PTH2R: variants seen among roughly 807,000 people sequenced by gnomAD.
The protein encoded by PTH2R is parathyroid hormone 2 receptor.
Under a neutral mutation model 60.3 loss-of-function variants are expected in PTH2R, and 59 were observed. The observed-to-expected ratio is 0.98, with a 90% CI of 0.79 to 1.22. The LOEUF (loss-of-function observed/expected upper bound fraction) is 1.22. Ranked by LOEUF, PTH2R falls within the 50% of genes most tolerant of loss-of-function variation. PTH2R has a pLI of 0.00. For synonymous variants in PTH2R, 256 were observed against 243.8 expected (o/e 1.05, Z -0.47); for missense variants, 749 against 682.6 (o/e 1.10, Z -1.08).
chr2:208,388,585 A>G (rs1225478469), intron 1 of PTH2R, among the ~76,000 whole-genome samples: 1 of 152,202 alleles, frequency 6.6e-6, no homozygotes, highest in Non-Finnish European at 1.5e-5. Flanking sequence ...GTAACCCCTG[A>G]AGCCTTCTAT....
intron 1 of PTH2R, among the ~76,000 whole-genome samples, chr2:208,376,739 C>T (rs1172914564): frequency 6.6e-6 from 1 of 152,024 alleles, no homozygotes; most frequent in East Asian, 1.9e-4. Context: ...TGAGCACATG[C>T]CTTGGACATA....
intron 1 of PTH2R, among the ~76,000 whole-genome samples, chr2:208,377,891 G>C (rs1019590188): frequency 1.3e-5 from 2 of 151,578 alleles, no homozygotes; most frequent in Admixed American, 6.6e-5. Flanking sequence ...TTCCCAGACT[G>C]GGCAGCCAGG....
intron 1 of PTH2R, among the ~76,000 whole-genome samples, chr2:208,383,655 C>T (rs1375263576): frequency 1.3e-5 from 2 of 152,186 alleles, no homozygotes; most frequent in Admixed American, 6.5e-5. Context: ...AGAAAATAAT[C>T]TAGAAATACA....
intron 1 of PTH2R, among the ~76,000 whole-genome samples, chr2:208,377,390 A>G (rs1374765551): frequency 1.3e-5 from 2 of 151,690 alleles, no homozygotes; most frequent in Non-Finnish European, 2.9e-5. Flanking sequence ...TGTTGGGTAC[A>G]CCTCCCAGAC....
intron 9 of PTH2R, among the ~76,000 whole-genome samples, chr2:208,461,785 A>T (rs1223775324): frequency 6.6e-6 from 1 of 152,202 alleles, no homozygotes; most frequent in Non-Finnish European, 1.5e-5. Flanking sequence ...TAAGTCACTC[A>T]CATCATCACC....
At chr2:208,410,374 C>G (rs1701515503) in intron 1 of PTH2R, among the ~76,000 whole-genome samples, 1 of 152,184 alleles carries the variant, frequency 6.6e-6, no homozygotes, top group Non-Finnish European at 1.5e-5. Flanking sequence ...ACTTTTACCT[C>G]TGGGGCCCAC....
At chr2:208,373,448 A>G (rs1574815298) in intron 1 of PTH2R, among the ~76,000 whole-genome samples, 1 of 152,190 alleles carries the variant, frequency 6.6e-6, no homozygotes, top group East Asian at 1.9e-4. Flanking sequence ...TGCTGCATTG[A>G]AAAAATTTCA....
At chr2:208,435,183 A>G (rs535848742) in intron 2 of PTH2R, among the ~76,000 whole-genome samples, 23 of 152,328 alleles carry the variant, frequency 1.5e-4, no homozygotes, top group African/African-American at 4.8e-4. Flanking sequence ...AACTAAGCAA[A>G]CAACTTGACA....
intron 1 of PTH2R, among the ~76,000 whole-genome samples, chr2:208,381,828 C>CT (rs1700920110): frequency 6.6e-6 from 1 of 152,086 alleles, no homozygotes; most frequent in Non-Finnish European, 1.5e-5. Context: ...CTGAACTAAA[C>CT]TAATCCCAGC....
At chr2:208,450,151 A>G (rs1042167083) in intron 7 of PTH2R, among the ~76,000 whole-genome samples, 1 of 152,234 alleles carries the variant, frequency 6.6e-6, no homozygotes, top group African/African-American at 2.4e-5. Context: ...CTTATGAAGG[A>G]CAAATATCTC....
chr2:208,493,875 A>G lies in PTH2R; in HGVS notation c.*216A>G. On this transcript the variant is annotated 3_prime_UTR_variant, in exon 13 of 13. Transcript: ENST00000272847. ...AGTTTATTACCTTCTATTGGCATCA[A>G]GTTTTCCTCTAAATTAATGTATGGT... is the stretch of plus-strand genomic sequence containing the variant. The G allele has an allele frequency of 4.8e-6, 2 of 420,636 alleles. No homozygotes were observed. Among genetic ancestry groups the G allele is most frequent in the Non-Finnish European group, 8.3e-6 (2 of 240,092 alleles). The allele number at this position is 420,636 out of a possible 1,614,324, so 26.1% of individuals were successfully genotyped here.
intron 9 of PTH2R, among the ~76,000 whole-genome samples, chr2:208,480,692 T>G (rs1703126789): frequency 6.6e-6 from 1 of 152,228 alleles, no homozygotes; most frequent in Admixed American, 6.5e-5. Flanking sequence ...CTATTATTCC[T>G]CTCTCTAAAG....
Position 208,437,603 on chromosome 2 carries a change from C to A in PTH2R, c.245C>A (p.Ser82Ter), listed in dbSNP as rs61742329. 0.018 allele frequency: 28,651 copies of A among 1,613,320 alleles called. 316 individuals carry two copies. The highest frequency in any genetic ancestry group is 0.022 in the Non-Finnish European group (26,263 of 1,179,542). ...CWPRGTVGKI[S>*]AVPCPPYIYD... is the part of the protein sequence containing the mutation. The stretch of plus-strand genomic sequence containing the variant: ...CCCAGAGGAACAGTGGGGAAAATAT[C>A]GGCTGTTCCATGCCCTCCTTATATT... Residue 82 changes from serine to a stop codon, truncating the protein, a stop_gained, in exon 3 of 13, where the codon TCG becomes TAG. Transcript: ENST00000272847. LOFTEE classifies it high-confidence loss of function.
intron 9 of PTH2R, among the ~76,000 whole-genome samples, chr2:208,469,291 A>G (rs548192072): frequency 6.6e-6 from 1 of 152,348 alleles, no homozygotes; most frequent in Non-Finnish European, 1.5e-5. Flanking sequence ...AAATATATGC[A>G]TCATATATGC....
intron 9 of PTH2R, among the ~76,000 whole-genome samples, chr2:208,465,527 C>T (rs933891525): frequency 6.9e-6 from 1 of 145,940 alleles, no homozygotes; most frequent in African/African-American, 2.5e-5. Flanking sequence ...CTCAGACTCC[C>T]GAGTAGCTGA....
At position 208,450,701 on chromosome 2, in the gene PTH2R, C is replaced by T. The variant is rs751806394; in HGVS notation, c.854-48C>T. ...TATGGTGAATTTGAGGAAAAAACCT[C>T]CTTAATCTTAAAATAAATCTAGTCT... is the stretch of plus-strand genomic sequence containing the variant. On this transcript the variant is annotated intron_variant, in intron 7 of 12. Transcript: ENST00000272847. 3.2e-6 allele frequency: 5 copies of T among 1,586,866 alleles called. No individual in the cohort carries two copies. The South Asian group carries it at 4.4e-5, about 14-fold the overall frequency.
At chr2:208,426,627 G>A (rs1474437708) in intron 1 of PTH2R, among the ~76,000 whole-genome samples, 1 of 152,174 alleles carries the variant, frequency 6.6e-6, no homozygotes, top group Admixed American at 6.5e-5. Context: ...CCCCCATGCT[G>A]TTCTGATAGT....
intron 10 of PTH2R, among the ~76,000 whole-genome samples, chr2:208,483,122 A>T (rs1703195877): frequency 1.3e-5 from 2 of 152,242 alleles, no homozygotes; most frequent in African/African-American, 4.8e-5. Context: ...CAAAGACTAC[A>T]GGTATGACCT....
intron 7 of PTH2R, 106 bp downstream of exon 7, chr2:208,444,993 C>T: frequency 8.5e-7 from 1 of 1,169,934 alleles, no homozygotes; most frequent in Non-Finnish European, 1.2e-6. Flanking sequence ...GAAACAATCC[C>T]TCCCATTCTT....
Sources: allele counts gnomAD v4.1 joint callset (sites outside exome capture counted in the v4.1 genomes callset), GRCh38; gene constraint gnomAD v4.1.1; transcripts MANE v1.5; gene names NCBI Gene and HGNC (gene_info 2026-07-23, HGNC 2026-07-21).